The following KIF16B variants were observed in gnomAD, a reference collection of about 807,000 sequenced individuals.
KIF16B encodes kinesin-like protein KIF16B.
KIF16B carries 98 observed loss-of-function variants against 156.3 expected under a neutral mutation model. The ratio of observed to expected loss-of-function variants is 0.63; its 90% CI spans 0.53 to 0.74. The LOEUF (loss-of-function observed/expected upper bound fraction) is 0.74. KIF16B is among the 30% of genes least tolerant of loss of function. The probability of loss-of-function intolerance (pLI) is 0.00; values close to 1 mark genes in which losing one functional copy is unlikely to be tolerated. For synonymous variants in KIF16B, 564 were observed against 583.7 expected (o/e 0.97, Z 0.49); for missense variants, 1,421 against 1,606.5 (o/e 0.88, Z 1.97).
chr20:16,320,309 C>T (rs2122781734), intron 24 of KIF16B, among the ~76,000 whole-genome samples: 1 of 151,790 alleles, frequency 6.6e-6, no homozygotes, highest in East Asian at 1.9e-4. Context: ...TAGCTTTCAA[C>T]AAAATATTAC....
chr20:16,537,823 C>T (rs1185342189), intron 1 of KIF16B, among the ~76,000 whole-genome samples: 1 of 151,012 alleles, frequency 6.6e-6, no homozygotes, highest in African/African-American at 2.4e-5. Context: ...CGTGCCTCAG[C>T]TTCCTGAGTA....
chr20:16,288,973 C>G (rs942777422), intron 25 of KIF16B, among the ~76,000 whole-genome samples: 3 of 126,286 alleles, frequency 2.4e-5, no homozygotes, highest in Non-Finnish European at 4.9e-5. Context: ...TGCTCCTCCA[C>G]TTATGATGGG....
In KIF16B at chr20:16,370,569, G is replaced by A; in HGVS notation, c.3498+17C>T. The A allele has an allele frequency of 6.4e-7, 1 of 1,563,360 alleles. No individual in the cohort carries two copies. Among genetic ancestry groups the A allele is most frequent in the South Asian group, 1.2e-5 (1 of 82,298 alleles). ...TAATTTAAGGCGACCCTATCAATCT[G>A]AAAAATCATTACCTACCTCATATTT... On this transcript the variant is annotated intron_variant, in intron 22 of 25. Transcript: ENST00000354981.
intron 1 of KIF16B, among the ~76,000 whole-genome samples, chr20:16,571,625 C>G (rs950009197): frequency 6.6e-6 from 1 of 151,370 alleles, no homozygotes; most frequent in Admixed American, 6.6e-5. Flanking sequence ...AGGTGCTTAA[C>G]AAATACTTTT....
At chr20:16,290,348 G>A (rs547790409) in intron 25 of KIF16B, among the ~76,000 whole-genome samples, 4 of 152,300 alleles carry the variant, frequency 2.6e-5, no homozygotes, top group Non-Finnish European at 4.4e-5. Flanking sequence ...TGACTCTATC[G>A]TGTGCCTCTG....
At chr20:16,359,375 T>C (rs1017519994) in intron 22 of KIF16B, among the ~76,000 whole-genome samples, 1 of 152,188 alleles carries the variant, frequency 6.6e-6, no homozygotes. Flanking sequence ...CTGCTCCCAC[T>C]GTGTGAGATA....
rs111733202 is a variant in KIF16B, at chr20:16,564,683, GA to G, written c.47+8545del. 1.9e-4 allele frequency among the ~76,000 whole-genome samples: 29 copies of G among 150,604 alleles called. No individual in the cohort carries two copies. In the East Asian group the frequency reaches 3.5e-3, roughly 18 times the overall value. ...TATAATAAAAAAAAAAAAACTGAAA[GA>G]AAAAAAAGATTACAGGAGTCAACCT... On this transcript the variant is annotated intron_variant, in intron 1 of 25. Coordinates refer to ENST00000354981, the MANE Select transcript of KIF16B (RefSeq NM_024704.5).
intron 17 of KIF16B, among the ~76,000 whole-genome samples, chr20:16,383,849 C>T (rs553656925): frequency 3.0e-4 from 46 of 152,332 alleles, no homozygotes; most frequent in Middle Eastern, 6.8e-3. Context: ...GACAGTGTCA[C>T]GTGTGCACAG....
chr20:16,386,282 A>G (rs528351294), intron 17 of KIF16B, among the ~76,000 whole-genome samples: 1 of 152,292 alleles, frequency 6.6e-6, no homozygotes, highest in South Asian at 2.1e-4. Context: ...AGAGACTCAG[A>G]GAAAAATCTG....
At chr20:16,481,936 C>T (rs6111158) in intron 12 of KIF16B, among the ~76,000 whole-genome samples, 29,925 of 152,108 alleles carry the variant, frequency 0.2, 5,449 homozygotes, top group African/African-American at 0.49. Flanking sequence ...CCTCGTTTCT[C>T]ACTTTGTATG....
Position 16,325,840 on chromosome 20 carries a change from AAAGC to A in KIF16B, c.3711+10082_3711+10085del, listed in dbSNP as rs1341733093. ...GAACCAAAAAAGAGCCCACATAGCCAAAGCAAGACTAGCAAAAAGAACAAATCTA... is the reference window on the plus strand; with the variant it reads ...GAACCAAAAAAGAGCCCACATAGCCAAAGACTAGCAAAAAGAACAAATCTA... On this transcript the variant is annotated intron_variant, in intron 24 of 25. Coordinates refer to ENST00000354981, the MANE Select transcript of KIF16B (RefSeq NM_024704.5). 5.3e-5 allele frequency among the ~76,000 whole-genome samples: 8 copies of A among 152,294 alleles called. No homozygotes were observed. The East Asian group carries it at 1.5e-3, about 29-fold the overall frequency.
At chr20:16,301,686 C>T (rs2063473676) in intron 25 of KIF16B, among the ~76,000 whole-genome samples, 1 of 152,014 alleles carries the variant, frequency 6.6e-6, no homozygotes, top group Non-Finnish European at 1.5e-5. Context: ...GACAGAGTCT[C>T]ACTCTGTTGC....
chr20:16,495,499 T>C (rs1278088941), intron 11 of KIF16B, among the ~76,000 whole-genome samples: 1 of 152,190 alleles, frequency 6.6e-6, no homozygotes, highest in African/African-American at 2.4e-5. Context: ...CTATAGTCAA[T>C]CATTCAGGGG....
intron 22 of KIF16B, among the ~76,000 whole-genome samples, chr20:16,370,341 T>C (rs1057439621): frequency 1.3e-5 from 2 of 152,180 alleles, no homozygotes; most frequent in Non-Finnish European, 1.5e-5. Context: ...AAATATACTA[T>C]TACAAATGAA....
At chr20:16,365,235 AAAAAAT>A (rs1384395548) in intron 22 of KIF16B, among the ~76,000 whole-genome samples, 1 of 152,200 alleles carries the variant, frequency 6.6e-6, no homozygotes, top group Non-Finnish European at 1.5e-5. Context: ...TAAAAAGTTA[AAAAAAT>A]AAAAATAAAT....
At chr20:16,399,285 G>T (rs2065590299) in intron 17 of KIF16B, among the ~76,000 whole-genome samples, 1 of 152,128 alleles carries the variant, frequency 6.6e-6, no homozygotes, top group South Asian at 2.1e-4. Flanking sequence ...CAGGTCTGGG[G>T]TGACATGTGT....
At chr20:16,497,795 T>C in intron 10 of KIF16B, 117 bp from the exon 11 acceptor site, 2 of 734,582 alleles carry the variant, frequency 2.7e-6, no homozygotes, top group Non-Finnish European at 4.6e-6. Flanking sequence ...TAAAAAGCAA[T>C]GTCCTACACC....
intron 23 of KIF16B, among the ~76,000 whole-genome samples, chr20:16,345,282 C>T (rs899107167): frequency 6.6e-6 from 1 of 152,180 alleles, no homozygotes; most frequent in Admixed American, 6.5e-5. Context: ...TCCTTGGTAT[C>T]CTGATGCTTC....
intron 12 of KIF16B, among the ~76,000 whole-genome samples, chr20:16,477,306 C>T (rs545933301): frequency 3.3e-5 from 5 of 150,354 alleles, no homozygotes; most frequent in Non-Finnish European, 7.4e-5. Context: ...AGATGATGAT[C>T]TCTAAGATCT....
Sources: gnomAD v4.1 joint callset for allele counts (sites outside exome capture counted in the v4.1 genomes callset) on GRCh38, gnomAD v4.1.1 for gene constraint, MANE v1.5 for transcripts, NCBI Gene and HGNC (gene_info 2026-07-23, HGNC 2026-07-21) for gene names.